Variants in APBB2 observed in about 807,000 individuals in gnomAD.
APBB2 encodes the protein amyloid beta precursor protein binding family B member 2, also known as Fe65-like 1.
In APBB2, 38 loss-of-function variants were observed where a neutral mutation model predicts 82.5. The ratio of observed to expected loss-of-function variants is 0.46; its 90% CI spans 0.36 to 0.60. The LOEUF (loss-of-function observed/expected upper bound fraction) is 0.60, where lower values mean the gene tolerates loss of function less well. APBB2 is among the 20% of genes least tolerant of loss of function. The probability of loss-of-function intolerance (pLI) is 0.00; values close to 1 mark genes in which losing one functional copy is unlikely to be tolerated. For missense variants in APBB2, 772 were observed against 972.3 expected (o/e 0.79, Z 2.74); for synonymous variants, 341 against 368.2 (o/e 0.93, Z 0.85).
chr4:41,020,032 G>T (rs1210730478), intron 5 of APBB2, among the ~76,000 whole-genome samples: 1 of 151,936 alleles, frequency 6.6e-6, no homozygotes, highest in Non-Finnish European at 1.5e-5. Context: ...GGAAAGAGAG[G>T]AAGAGACAAA....
At chr4:40,897,644 A>T (rs1310981867) in intron 10 of APBB2, among the ~76,000 whole-genome samples, 1 of 152,158 alleles carries the variant, frequency 6.6e-6, no homozygotes, top group Non-Finnish European at 1.5e-5. Flanking sequence ...TCTCATCTGA[A>T]GAGTTTCACC....
At chr4:40,934,904 A>G in intron 8 of APBB2, 173 bp downstream of exon 8, 1 of 685,918 alleles carries the variant, frequency 1.5e-6, no homozygotes, top group Non-Finnish European at 2.4e-6. Flanking sequence ...GGCATTCACA[A>G]TGGGAGACAC....
intron 6 of APBB2, among the ~76,000 whole-genome samples, chr4:40,958,713 C>T (rs1792315053): frequency 3.3e-5 from 5 of 152,146 alleles, no homozygotes; most frequent in Admixed American, 3.3e-4. Context: ...TCAAGCGATT[C>T]TCCTGTCTCA....
intron 1 of APBB2, among the ~76,000 whole-genome samples, chr4:41,191,104 A>C (rs1342486280): frequency 6.6e-6 from 1 of 152,232 alleles, no homozygotes; most frequent in East Asian, 1.9e-4. Context: ...CAATGACAGC[A>C]GCCTTGCCTA....
rs1023860905 is a variant in APBB2, at chr4:40,948,461, A to T, written c.836-3388T>A. Among the ~76,000 whole-genome samples the T allele has an allele frequency of 2.0e-5, 3 of 151,994 alleles. 1 individual carries two copies. In the South Asian group the frequency reaches 6.2e-4, roughly 32 times the overall value. On this transcript the variant is annotated intron_variant, in intron 6 of 17. Transcript: ENST00000508593. The stretch of plus-strand genomic sequence containing the variant: ...TTGGCACGTGCCTGTAGTGACAGCT[A>T]CTCAAGAGGCTGAGGACGGCTAGGG...
intron 6 of APBB2, among the ~76,000 whole-genome samples, chr4:40,987,399 G>T (rs1405584385): frequency 1.3e-5 from 2 of 152,186 alleles, no homozygotes; most frequent in Non-Finnish European, 2.9e-5. Context: ...CAGCGGGAAG[G>T]TTTGACGGTT....
intron 10 of APBB2, among the ~76,000 whole-genome samples, chr4:40,910,655 C>A (rs546670110): frequency 1.3e-5 from 2 of 152,222 alleles, no homozygotes; most frequent in Non-Finnish European, 2.9e-5. Flanking sequence ...CCTCTGTATA[C>A]CCACCACCCA....
chr4:41,135,713 A>G (rs1353805718), intron 2 of APBB2, among the ~76,000 whole-genome samples: 1 of 152,234 alleles, frequency 6.6e-6, no homozygotes, highest in Non-Finnish European at 1.5e-5. Context: ...TTCAACATAA[A>G]AAAAGACAAG....
intron 2 of APBB2, among the ~76,000 whole-genome samples, chr4:41,105,712 G>A (rs1171913675): frequency 2.0e-5 from 3 of 151,866 alleles, no homozygotes; most frequent in Non-Finnish European, 2.9e-5. Context: ...GTGAAACCCC[G>A]TCTCTACTAA....
At chr4:41,130,076 CAAG>C (rs1243386367) in intron 2 of APBB2, among the ~76,000 whole-genome samples, 1 of 152,144 alleles carries the variant, frequency 6.6e-6, no homozygotes, top group African/African-American at 2.4e-5. Flanking sequence ...GAAGAGAACA[CAAG>C]AAGAACCAGC....
intron 12 of APBB2, among the ~76,000 whole-genome samples, chr4:40,839,750 TGCCTCCCA>T (rs1219220554): frequency 6.6e-6 from 1 of 151,954 alleles, no homozygotes; most frequent in African/African-American, 2.4e-5. Flanking sequence ...CTGCAACCTC[TGCCTCCCA>T]GGTTCAAGAA....
chr4:40,921,116 T>C (rs1781149732), intron 10 of APBB2, among the ~76,000 whole-genome samples: 1 of 152,178 alleles, frequency 6.6e-6, no homozygotes, highest in African/African-American at 2.4e-5. Context: ...CGTGGCAGCA[T>C]TTCCAGAAGT....
At chr4:40,825,006 T>A (rs1212517733) in intron 15 of APBB2, among the ~76,000 whole-genome samples, 1 of 152,206 alleles carries the variant, frequency 6.6e-6, no homozygotes, top group Non-Finnish European at 1.5e-5. Context: ...CATAGCATGT[T>A]TTCAGGCTTC....
rs114015232 is a variant in APBB2, at chr4:40,932,581, T to C, written c.1254+1875A>G. ...ATGTTACTTGTAGACACAGATCTGC[T>C]TTGGGATTCAGAACAAATAAAAAAG... On this transcript the variant is annotated intron_variant, in intron 10 of 17. Transcript: ENST00000508593. Among the ~76,000 whole-genome samples the C allele has an allele frequency of 4.7e-3, 723 of 152,254 alleles. 5 individuals are homozygous for C. Among genetic ancestry groups the C allele is most frequent in the African/African-American group, 0.016 (670 of 41,540 alleles).
intron 6 of APBB2, among the ~76,000 whole-genome samples, chr4:41,000,423 A>C (rs1804893926): frequency 6.6e-6 from 1 of 152,148 alleles, no homozygotes; most frequent in African/African-American, 2.4e-5. Flanking sequence ...ACCAAGGGCT[A>C]TATGTGACAA....
intron 1 of APBB2, among the ~76,000 whole-genome samples, chr4:41,188,691 G>A (rs1580724960): frequency 6.6e-6 from 1 of 152,184 alleles, no homozygotes; most frequent in Non-Finnish European, 1.5e-5. Flanking sequence ...AACAGTGCCT[G>A]TGGGTGTGGG....
intron 15 of APBB2, among the ~76,000 whole-genome samples, chr4:40,824,955 C>T (rs561418872): frequency 6.6e-6 from 1 of 152,286 alleles, no homozygotes; most frequent in South Asian, 2.1e-4. Flanking sequence ...TTCATATGAA[C>T]GTAATCACAC....
chr4:40,939,333 A>C (rs967543380), intron 7 of APBB2, among the ~76,000 whole-genome samples: 1 of 152,196 alleles, frequency 6.6e-6, no homozygotes. Flanking sequence ...ATGTGCAGAC[A>C]AAGTGAGATT....
chr4:41,046,230 A>G (rs1579525280), intron 4 of APBB2, among the ~76,000 whole-genome samples: 1 of 152,240 alleles, frequency 6.6e-6, no homozygotes, highest in East Asian at 1.9e-4. Context: ...TCTGCTTTCC[A>G]TGCTATATTT....
Sources: allele counts gnomAD v4.1 joint callset (sites outside exome capture counted in the v4.1 genomes callset), GRCh38; gene constraint gnomAD v4.1.1; transcripts MANE v1.5; gene names NCBI Gene and HGNC (gene_info 2026-07-23, HGNC 2026-07-21).